CNTLN: variants seen among roughly 807,000 people sequenced by gnomAD.
CNTLN encodes the protein centlein.
Under a neutral mutation model 180.0 loss-of-function variants are expected in CNTLN, and 212 were observed. The observed-to-expected ratio is 1.18, with a 90% CI of 1.05 to 1.32. The LOEUF is 1.32. Among genes scored for constraint, CNTLN ranks in the 40% most tolerant of loss-of-function variants. CNTLN has a pLI of 0.00. For missense variants in CNTLN, 2,095 were observed against 1,610.9 expected (o/e 1.30, Z -5.14); for synonymous variants, 722 against 563.1 (o/e 1.28, Z -3.99).
intron 8 of CNTLN, among the ~76,000 whole-genome samples, chr9:17,319,763 C>T (rs112625413): frequency 0.016 from 2,407 of 152,174 alleles, 69 homozygotes; most frequent in African/African-American, 0.055. Flanking sequence ...ATTTATTATA[C>T]AGGGAAGAGA....
At chr9:17,143,787 C>T (rs1298949860) in intron 2 of CNTLN, among the ~76,000 whole-genome samples, 2 of 152,180 alleles carry the variant, frequency 1.3e-5, no homozygotes, top group Middle Eastern at 3.4e-3. Context: ...AATTGAAAGC[C>T]GGGGATGACC....
chr9:17,169,246 C>G (rs72700161), intron 2 of CNTLN, among the ~76,000 whole-genome samples: 1 of 152,060 alleles, frequency 6.6e-6, no homozygotes, highest in Non-Finnish European at 1.5e-5. Flanking sequence ...CATCCTCTTG[C>G]CTCAGCCTTA....
the CNTLN span, among the ~76,000 whole-genome samples, chr9:17,527,513 G>C: frequency 6.6e-6 from 1 of 152,190 alleles, no homozygotes; most frequent in Non-Finnish European, 1.5e-5. Flanking sequence ...TGGGACGGAA[G>C]AATTCAGTAC....
At position 17,322,585 on chromosome 9, in the gene CNTLN, G is replaced by A. The variant is rs191307764; in HGVS notation, c.1342-8047G>A. ...ACTCTATAGTGGCACTTCTCTTGCC[G>A]CTGTAATAAAACTTAAGAATGTTTA... is the stretch of plus-strand genomic sequence containing the variant. On this transcript the variant is annotated intron_variant, in intron 8 of 25. Transcript: ENST00000380647. Among the ~76,000 whole-genome samples the A allele has an allele frequency of 5.2e-3, 797 of 152,096 alleles. 5 individuals carry two copies. The highest frequency in any genetic ancestry group is 8.4e-3 in the Admixed American group (128 of 15,288).
chr9:17,258,410 A>T, intron 5 of CNTLN, among the ~76,000 whole-genome samples: 1 of 148,806 alleles, frequency 6.7e-6, no homozygotes, highest in Non-Finnish European at 1.5e-5. Flanking sequence ...GTCAGGTATC[A>T]TGATGCCTTC....
intron 13 of CNTLN, among the ~76,000 whole-genome samples, chr9:17,382,379 G>T (rs1339877310): frequency 2.6e-5 from 4 of 152,158 alleles, no homozygotes; most frequent in African/African-American, 9.7e-5. Context: ...AAACAATCAA[G>T]CCTTCGGAAA....
intron 18 of CNTLN, among the ~76,000 whole-genome samples, chr9:17,438,454 A>G (rs913697442): frequency 1.3e-5 from 2 of 152,196 alleles, no homozygotes; most frequent in Non-Finnish European, 2.9e-5. Flanking sequence ...GGTTTTTAAC[A>G]AAGTGAGTAG....
intron 5 of CNTLN, among the ~76,000 whole-genome samples, chr9:17,263,033 C>T (rs865832833): frequency 6.6e-6 from 1 of 150,836 alleles, no homozygotes; most frequent in Non-Finnish European, 1.5e-5. Context: ...AAAGGTTTAT[C>T]AATTTTTTTA....
intron 7 of CNTLN, chr9:17,299,633 C>G (rs1027590628): frequency 1.0e-6 from 1 of 985,366 alleles, no homozygotes; most frequent in Non-Finnish European, 1.2e-6. Flanking sequence ...CAGTCTTCCA[C>G]TTCAGCTAGA....
chr9:17,148,692 A>G (rs953951977), intron 2 of CNTLN, among the ~76,000 whole-genome samples: 17 of 152,240 alleles, frequency 1.1e-4, no homozygotes, highest in Non-Finnish European at 1.9e-4. Flanking sequence ...TGTTTATAGT[A>G]TAAGAGCTGA....
intron 13 of CNTLN, among the ~76,000 whole-genome samples, chr9:17,376,049 GCT>G (rs1824732757): frequency 1.3e-5 from 2 of 152,070 alleles, no homozygotes; most frequent in Non-Finnish European, 2.9e-5. Flanking sequence ...TTGCTCCAAT[GCT>G]CGCATTCAGG....
At chr9:17,343,023 T>G (rs1195214447) in intron 12 of CNTLN, among the ~76,000 whole-genome samples, 1 of 152,192 alleles carries the variant, frequency 6.6e-6, no homozygotes, top group Non-Finnish European at 1.5e-5. Context: ...ACAAGGGAAT[T>G]GCCTTCTTTC....
At chr9:17,404,391 A>G (rs1326181055) in intron 15 of CNTLN, among the ~76,000 whole-genome samples, 1 of 151,672 alleles carries the variant, frequency 6.6e-6, no homozygotes, top group Non-Finnish European at 1.5e-5. Context: ...ATCTTGGGCT[A>G]GGGGATTTGA....
At chr9:17,240,543 ATTTG>A (rs1825419398) in intron 5 of CNTLN, among the ~76,000 whole-genome samples, 1 of 152,124 alleles carries the variant, frequency 6.6e-6, no homozygotes, top group South Asian at 2.1e-4. Context: ...CCTATTTGCC[ATTTG>A]TTTGTCTTTT....
chr9:17,331,100 C>T (rs965173727), intron 9 of CNTLN, among the ~76,000 whole-genome samples: 1 of 151,848 alleles, frequency 6.6e-6, no homozygotes, highest in Non-Finnish European at 1.5e-5. Flanking sequence ...TTCCTCATCT[C>T]TCTCATATAT....
rs577594061 is a variant in CNTLN at position 17,479,299 on chromosome 9, C to A, written c.3856-4996C>A. The stretch of plus-strand genomic sequence containing the variant: ...CAAGATGTAGAAACAATCTAAATGT[C>A]CATCAAGAGATGAATGAATAAAGAA... On this transcript the variant is annotated intron_variant, in intron 23 of 25. Coordinates refer to ENST00000380647, the MANE Select transcript of CNTLN (RefSeq NM_017738.4). Among the ~76,000 whole-genome samples the A allele has an allele frequency of 4.6e-5, 7 of 152,184 alleles. No homozygotes were observed. The South Asian group carries it at 1.5e-3, about 32-fold the overall frequency.
At chr9:17,448,151 C>T (rs1830557217) in intron 18 of CNTLN, 1 of 208,584 alleles carries the variant, frequency 4.8e-6, no homozygotes, top group Non-Finnish European at 1.0e-5. Context: ...TTTTAACTGC[C>T]CATTAATTTC....
the CNTLN span, among the ~76,000 whole-genome samples, chr9:17,522,914 T>G: frequency 6.6e-6 from 1 of 151,672 alleles, no homozygotes; most frequent in African/African-American, 2.4e-5. Flanking sequence ...GCTTCTCTCT[T>G]CCTGGTTCCT....
chr9:17,440,934 G>A (rs1022136427), intron 18 of CNTLN, among the ~76,000 whole-genome samples: 2 of 152,168 alleles, frequency 1.3e-5, no homozygotes, highest in African/African-American at 2.4e-5. Flanking sequence ...CTAGAGCCAG[G>A]GATGGGAAAG....
Sources: gnomAD v4.1 joint callset for allele counts (sites outside exome capture counted in the v4.1 genomes callset) on GRCh38, gnomAD v4.1.1 for gene constraint, MANE v1.5 for transcripts, NCBI Gene and HGNC (gene_info 2026-07-23, HGNC 2026-07-21) for gene names.